The following MRAS variants were observed in gnomAD, a reference collection of about 807,000 sequenced individuals.
MRAS encodes muscle RAS oncogene homolog, also known as ras-related protein M-Ras.
MRAS carries 4 observed loss-of-function variants against 20.9 expected under a neutral mutation model. That is an observed-to-expected ratio of 0.19 (90% CI 0.09 to 0.44). The LOEUF is 0.44. Ranked by LOEUF, MRAS falls within the 20% of genes least tolerant of loss-of-function variation. MRAS has a pLI of 0.99. For synonymous variants in MRAS, 98 were observed against 102.9 expected, an observed-to-expected ratio of 0.95 and a Z score of 0.29; for missense variants, 154 against 277.5, an observed-to-expected ratio of 0.56 and a Z score of 3.16.
At chr3:138,397,949 A>G (rs558733894) in intron 3 of MRAS, among the ~76,000 whole-genome samples, 13 of 152,260 alleles carry the variant, frequency 8.5e-5, no homozygotes, top group Non-Finnish European at 1.8e-4. Context: ...TAGGGAAAAT[A>G]GTAAAGTACC....
intron 2 of MRAS, among the ~76,000 whole-genome samples, chr3:138,377,964 A>G (rs962425858): frequency 6.6e-6 from 1 of 152,226 alleles, no homozygotes; most frequent in African/African-American, 2.4e-5. Context: ...AAATACAGCA[A>G]AAGTTTCACA....
chr3:138,359,437 ACTCTTT>A (rs1441800798), intron 1 of MRAS, among the ~76,000 whole-genome samples: 1 of 151,928 alleles, frequency 6.6e-6, no homozygotes, highest in African/African-American at 2.4e-5. Context: ...CAGTCTGGTT[ACTCTTT>A]AAAAATGAAG....
rs1276574442 is a variant in MRAS at position 138,405,011 on chromosome 3, C to T, written c.*2742C>T. ...GATTTCTTCCACTGTTTGACACCCT[C>T]CTTAGAGGGCTGCTCTTTTTTTTCC... On this transcript the variant is annotated 3_prime_UTR_variant, in exon 6 of 6. Coordinates refer to ENST00000423968, the MANE Select transcript of MRAS (RefSeq NM_001085049.3). 1 of 152,320 alleles carries T rather than the reference C, an allele frequency of 6.6e-6. No individual in the cohort carries two copies. The highest frequency in any genetic ancestry group is 1.5e-5 in the Non-Finnish European group (1 of 68,140). The allele number at this position is 152,320 out of a possible 1,614,324, so 9.4% of individuals were successfully genotyped here. A position where few individuals can be genotyped will look rare whatever the true frequency, so the allele number is the denominator to read the frequency against.
At position 138,404,416 on chromosome 3, in the gene MRAS, A is replaced by C. The variant is rs1276714511; in HGVS notation, c.*2147A>C. The stretch of plus-strand genomic sequence containing the variant: ...GAGCTGCAACTCCTCGACAGCACTG[A>C]GTTTGATAGTCTCACTGGAAGCAGA... On this transcript the variant is annotated 3_prime_UTR_variant, in exon 6 of 6. Coordinates refer to ENST00000423968, the MANE Select transcript of MRAS (RefSeq NM_001085049.3). 1 of 152,240 alleles carries C rather than the reference A, an allele frequency of 6.6e-6. No individual in the cohort carries two copies. The highest frequency in any genetic ancestry group is 1.5e-5 in the Non-Finnish European group (1 of 68,074). The allele number at this position is 152,240 out of a possible 1,614,324, so 9.4% of individuals were successfully genotyped here.
At chr3:138,368,058 A>G (rs1680806788) in intron 1 of MRAS, among the ~76,000 whole-genome samples, 1 of 152,258 alleles carries the variant, frequency 6.6e-6, no homozygotes, top group Admixed American at 6.5e-5. Flanking sequence ...CATGGGAACC[A>G]GTTCAGCCGC....
chr3:138,357,087 C>T (rs1383822631), intron 1 of MRAS, among the ~76,000 whole-genome samples: 5 of 152,252 alleles, frequency 3.3e-5, no homozygotes, highest in African/African-American at 4.8e-5. Context: ...GAGCAGGTCA[C>T]TTGGCACTTC....
At chr3:138,360,916 G>A (rs932972972) in intron 1 of MRAS, among the ~76,000 whole-genome samples, 1 of 152,234 alleles carries the variant, frequency 6.6e-6, no homozygotes, top group Non-Finnish European at 1.5e-5. Flanking sequence ...TTTGAGGGCA[G>A]ATGAAGAGGG....
At chr3:138,381,425 G>A in intron 2 of MRAS, among the ~76,000 whole-genome samples, 1 of 152,238 alleles carries the variant, frequency 6.6e-6, no homozygotes, top group East Asian at 1.9e-4. Context: ...CCTCCACCCT[G>A]TCCCACTACC....
chr3:138,390,451 G>A (rs938032518), intron 2 of MRAS, among the ~76,000 whole-genome samples: 1 of 152,052 alleles, frequency 6.6e-6, no homozygotes, highest in African/African-American at 2.4e-5. Context: ...TCTCACAAAC[G>A]CACACGCACA....
chr3:138,371,966 ATTC>A (rs1553799064), intron 1 of MRAS, among the ~76,000 whole-genome samples: 1 of 151,950 alleles, frequency 6.6e-6, no homozygotes, highest in Non-Finnish European at 1.5e-5. Flanking sequence ...AGGCCCAATT[ATTC>A]TTTAGAATCC....
intron 1 of MRAS, among the ~76,000 whole-genome samples, chr3:138,357,374 A>G (rs925724625): frequency 2.6e-5 from 4 of 152,174 alleles, no homozygotes; most frequent in African/African-American, 7.2e-5. Flanking sequence ...GTTCTGTCCC[A>G]CTACTTGTCT....
chr3:138,377,337 TG>T (rs2054805287), intron 2 of MRAS, among the ~76,000 whole-genome samples: 1 of 152,236 alleles, frequency 6.6e-6, no homozygotes, highest in Non-Finnish European at 1.5e-5. Context: ...CCGGGTGCGG[TG>T]GCTCACGCCT....
At chr3:138,392,310 C>G (rs2055148986) in intron 2 of MRAS, among the ~76,000 whole-genome samples, 1 of 152,134 alleles carries the variant, frequency 6.6e-6, no homozygotes, top group African/African-American at 2.4e-5. Flanking sequence ...TGGGCTCAAG[C>G]TGATCCTCCG....
At chr3:138,364,490 G>A (rs557198563) in intron 1 of MRAS, among the ~76,000 whole-genome samples, 1 of 152,332 alleles carries the variant, frequency 6.6e-6, no homozygotes, top group South Asian at 2.1e-4. Flanking sequence ...CTTGCCTAGG[G>A]TTGCAGGCTG....
At chr3:138,349,303 A>G (rs2054179644) in intron 1 of MRAS, 1 of 152,292 alleles carries the variant, frequency 6.6e-6, no homozygotes, top group African/African-American at 2.4e-5. Context: ...CATTGAACTG[A>G]TCTGGCTGAG....
chr3:138,360,403 G>C (rs1212195825), intron 1 of MRAS, among the ~76,000 whole-genome samples: 1 of 152,198 alleles, frequency 6.6e-6, no homozygotes, highest in African/African-American at 2.4e-5. Context: ...TTCTGGGCTG[G>C]GACAGCTAAG....
intron 2 of MRAS, among the ~76,000 whole-genome samples, chr3:138,380,562 C>T (rs1045809015): frequency 1.3e-5 from 2 of 152,174 alleles, no homozygotes; most frequent in Non-Finnish European, 2.9e-5. Context: ...CCACCCACCT[C>T]GGCCTCCTAA....
intron 2 of MRAS, among the ~76,000 whole-genome samples, chr3:138,389,632 C>G (rs1332580194): frequency 1.3e-5 from 2 of 151,496 alleles, no homozygotes; most frequent in South Asian, 2.1e-4. Context: ...ACTGGACAGG[C>G]TGGGACCCTT....
At chr3:138,386,730 G>A (rs577381458) in intron 2 of MRAS, among the ~76,000 whole-genome samples, 248 of 152,264 alleles carry the variant, frequency 1.6e-3, no homozygotes, top group African/African-American at 5.4e-3. Context: ...TGATCTGCCC[G>A]CCTCGGCCTC....
Sources: gnomAD v4.1 joint callset for allele counts (sites outside exome capture counted in the v4.1 genomes callset) on GRCh38, gnomAD v4.1.1 for gene constraint, MANE v1.5 for transcripts, NCBI Gene and HGNC (gene_info 2026-07-23, HGNC 2026-07-21) for gene names.